Variants in ESR1 observed in about 807,000 individuals in gnomAD.
ESR1 encodes estrogen receptor 1.
ESR1 carries 12 observed loss-of-function variants against 52.7 expected under a neutral mutation model. The ratio of observed to expected loss-of-function variants is 0.23; its 90% CI spans 0.15 to 0.37. ESR1 has a LOEUF of 0.37. ESR1 is among the 10% of genes least tolerant of loss of function. ESR1 has a pLI of 1.00. For synonymous variants in ESR1, 305 were observed against 316.8 expected, an observed-to-expected ratio of 0.96 and a Z score of 0.39; for missense variants, 584 against 779.7, an observed-to-expected ratio of 0.75 and a Z score of 2.99.
chr6:152,072,508 G>A lies in ESR1; in HGVS notation c.1369+11384G>A, dbSNP rs919337105. On this transcript the variant is annotated intron_variant, in intron 6 of 7. Coordinates refer to ENST00000206249, the MANE Select transcript of ESR1 (RefSeq NM_000125.4). ...TTCCCTGGTCAGTAATGAGCTTGAA[G>A]GAAGCTACTGGACACGGGACTGAAC... 2.6e-4 allele frequency among the ~76,000 whole-genome samples: 40 copies of A among 152,198 alleles called. 1 individual carries two copies. Among genetic ancestry groups the A allele is most frequent in the Non-Finnish European group, 5.9e-5 (4 of 68,036 alleles).
chr6:151,837,636 A>G (rs571394798), intron 1 of ESR1, among the ~76,000 whole-genome samples: 2 of 152,234 alleles, frequency 1.3e-5, no homozygotes, highest in Admixed American at 6.5e-5. Flanking sequence ...TTCATTTCTC[A>G]TTCGATCTTC....
intron 1 of ESR1, among the ~76,000 whole-genome samples, chr6:151,684,842 C>CA (rs1222449333): frequency 6.6e-6 from 1 of 152,152 alleles, no homozygotes; most frequent in Non-Finnish European, 1.5e-5. Context: ...TGGTGCCAAT[C>CA]AAAGGCACCC....
At position 152,100,378 on chromosome 6, in the gene ESR1, G is replaced by T. The variant is rs2050921473; in HGVS notation, c.*1412G>T. Reference sequence around the variant, plus strand: ...TGGTTTAGAGATAATCCAAAATCAGGGTTTGGTTTGGGGAAGAAAATCCTC... The same window carrying T: ...TGGTTTAGAGATAATCCAAAATCAGTGTTTGGTTTGGGGAAGAAAATCCTC... On this transcript the variant is annotated 3_prime_UTR_variant, in exon 8 of 8. Transcript: ENST00000206249. 1 of 318,496 alleles carries T rather than the reference G, an allele frequency of 3.1e-6. No homozygotes were observed. Among genetic ancestry groups the T allele is most frequent in the African/African-American group, 2.1e-5 (1 of 47,304 alleles). 19.7% of individuals were successfully genotyped at this position (318,496 alleles called of 1,614,324 possible). A position where few individuals can be genotyped will look rare whatever the true frequency, so the allele number is the denominator to read the frequency against.
At chr6:151,982,062 A>C (rs940587786) in intron 4 of ESR1, among the ~76,000 whole-genome samples, 15 of 152,180 alleles carry the variant, frequency 9.9e-5, no homozygotes, top group African/African-American at 3.6e-4. Flanking sequence ...TTATTCATTC[A>C]CTCTGTTTAA....
chr6:152,120,365 C>T lies in ESR1; in HGVS notation c.851-4901C>T, dbSNP rs143644176. 1.4e-4 allele frequency among the ~76,000 whole-genome samples: 21 copies of T among 152,270 alleles called. No individual in the cohort carries two copies. In the East Asian group the frequency reaches 3.5e-3, roughly 25 times the overall value. On this transcript the variant is annotated intron_variant, in intron 6 of 6. Transcript: ENST00000427531. Reference sequence around the variant, plus strand: ...GGCACCCTTCAACGCCAATGGCCACCGCTGCTCACAGCCTCTCCAGAAGCG... The same window carrying T: ...GGCACCCTTCAACGCCAATGGCCACTGCTGCTCACAGCCTCTCCAGAAGCG...
chr6:151,981,321 A>G (rs921310746), intron 4 of ESR1, among the ~76,000 whole-genome samples: 66 of 152,344 alleles, frequency 4.3e-4, no homozygotes, highest in African/African-American at 1.5e-3. Flanking sequence ...AAAACCAGAG[A>G]TCTGGAGAAG....
At chr6:152,087,640 C>T (rs777762070) in intron 6 of ESR1, among the ~76,000 whole-genome samples, 1 of 152,166 alleles carries the variant, frequency 6.6e-6, no homozygotes, top group Non-Finnish European at 1.5e-5. Flanking sequence ...CTAACCAGTC[C>T]AGCCAGAAAG....
In ESR1 at chr6:152,101,772, ATATAT is replaced by A. The variant is rs2050973389; in HGVS notation, c.*2809_*2813del. On this transcript the variant is annotated 3_prime_UTR_variant, in exon 8 of 8. Coordinates refer to ENST00000206249, the MANE Select transcript of ESR1 (RefSeq NM_000125.4). ...GATTCAGGAATCTGGGGAATGGCAA[ATATAT>A]TAAGAAGAGTATTGAAAGTATTTGG... 4.3e-6 allele frequency: 1 copy of A among 229,934 alleles called. No individual in the cohort carries two copies. The highest frequency in any genetic ancestry group is 8.6e-6 in the Non-Finnish European group (1 of 116,092). 14.2% of individuals were successfully genotyped at this position (229,934 alleles called of 1,614,324 possible).
chr6:151,924,165 C>T (rs1378180834), intron 3 of ESR1, among the ~76,000 whole-genome samples: 4 of 152,126 alleles, frequency 2.6e-5, no homozygotes, highest in African/African-American at 9.7e-5. Flanking sequence ...GCCTCAAGCT[C>T]CCAAGTACCT....
upstream of ESR1, among the ~76,000 whole-genome samples, chr6:151,688,163 T>A (rs146823735): frequency 2.6e-4 from 39 of 152,356 alleles, no homozygotes; most frequent in African/African-American, 8.9e-4. Flanking sequence ...TTATTTTTAG[T>A]GATTTCATTA....
intron 5 of ESR1, among the ~76,000 whole-genome samples, chr6:152,033,849 G>A (rs1256269522): frequency 6.6e-6 from 1 of 152,122 alleles, no homozygotes; most frequent in Non-Finnish European, 1.5e-5. Flanking sequence ...GCACACGTAT[G>A]TTTATTGCAG....
chr6:151,707,884 G>A (rs1426211206), intron 2 of ESR1, among the ~76,000 whole-genome samples: 1 of 151,792 alleles, frequency 6.6e-6, no homozygotes, highest in Non-Finnish European at 1.5e-5. Flanking sequence ...AAATATAATA[G>A]GTAATTTCCA....
chr6:151,759,982 C>A (rs749706131), intron 2 of ESR1, among the ~76,000 whole-genome samples: 2 of 152,208 alleles, frequency 1.3e-5, no homozygotes, highest in Non-Finnish European at 2.9e-5. Context: ...TTGCCTAAAT[C>A]TATCCTACAG....
At chr6:152,068,727 A>G (rs2048162713) in intron 6 of ESR1, among the ~76,000 whole-genome samples, 2 of 152,228 alleles carry the variant, frequency 1.3e-5, no homozygotes, top group African/African-American at 2.4e-5. Context: ...TGTGGAACCT[A>G]GTTTGAAAAC....
intron 6 of ESR1, among the ~76,000 whole-genome samples, chr6:152,071,278 T>C (rs2048335325): frequency 6.6e-6 from 1 of 152,244 alleles, no homozygotes; most frequent in African/African-American, 2.4e-5. Flanking sequence ...TAGTTTTCAC[T>C]AAATTGGATT....
At chr6:152,122,718 G>A (rs746458328) in intron 6 of ESR1, 1 of 1,612,190 alleles carries the variant, frequency 6.2e-7, no homozygotes, top group Non-Finnish European at 8.5e-7. Flanking sequence ...TAACTCCAGT[G>A]TCGGAGGGAC....
At chr6:151,806,546 A>ATG (rs1439051401), upstream of ESR1, among the ~76,000 whole-genome samples, 1 of 142,526 alleles carries the variant, frequency 7.0e-6, no homozygotes, top group African/African-American at 2.6e-5. Flanking sequence ...ATATATATAT[A>ATG]TATATATATA....
At chr6:151,751,473 A>G (rs537910947) in intron 2 of ESR1, among the ~76,000 whole-genome samples, 2 of 152,356 alleles carry the variant, frequency 1.3e-5, no homozygotes, top group South Asian at 4.1e-4. Flanking sequence ...AGGGTCTTGG[A>G]AAATGAATGA....
intron 1 of ESR1, among the ~76,000 whole-genome samples, chr6:151,837,439 A>T (rs1393072689): frequency 1.3e-5 from 2 of 152,034 alleles, no homozygotes; most frequent in African/African-American, 4.8e-5. Context: ...AATATCGGTG[A>T]TTTCATTTGA....
Sources: allele counts gnomAD v4.1 joint callset (sites outside exome capture counted in the v4.1 genomes callset), GRCh38; gene constraint gnomAD v4.1.1; transcripts MANE v1.5; gene names NCBI Gene and HGNC (gene_info 2026-07-23, HGNC 2026-07-21).